Variants in CDH23 observed in about 807,000 individuals in gnomAD.
CDH23 encodes the protein cadherin related 23.
In CDH23, 189 loss-of-function variants were observed where a neutral mutation model predicts 317.1. That is an observed-to-expected ratio of 0.60 (90% CI 0.53 to 0.67). The LOEUF (loss-of-function observed/expected upper bound fraction) is 0.67, where lower values mean the gene tolerates loss of function less well. CDH23 is among the 30% of genes least tolerant of loss of function. The pLI is 0.00. For missense variants in CDH23, 4,401 were observed against 4,592.4 expected (o/e 0.96, Z 1.20); for synonymous variants, 1,839 against 1,876.8 (o/e 0.98, Z 0.52).
chr10:71,539,743 T>G (rs1855890389), intron 6 of CDH23, among the ~76,000 whole-genome samples: 1 of 151,922 alleles, frequency 6.6e-6, no homozygotes. Context: ...CATACCTGTT[T>G]CTCTTAGACT....
chr10:71,487,254 A>AAT (rs1181840045), intron 3 of CDH23, among the ~76,000 whole-genome samples: 1 of 152,190 alleles, frequency 6.6e-6, no homozygotes, highest in African/African-American at 2.4e-5. Context: ...AGTGTATATA[A>AAT]ATATATATGA....
intron 11 of CDH23, among the ~76,000 whole-genome samples, chr10:71,630,959 C>T (rs907887720): frequency 4.6e-5 from 7 of 152,108 alleles, no homozygotes; most frequent in African/African-American, 7.2e-5. Context: ...TTAAAGCCAC[C>T]GGTGGCCGGC....
rs781402940 is a variant in CDH23 at position 71,790,294 on chromosome 10, C to T, written c.5930C>T (p.Pro1977Leu). The change falls in exon 46 of 70, where the codon CCT becomes CTT. Residue 1977 changes from proline to leucine, a missense_variant. Physicochemically the swap from Pro to Leu is moderately conservative, Grantham distance 98 (BLOSUM62 -3). Coordinates refer to ENST00000224721, the MANE Select transcript of CDH23 (RefSeq NM_022124.6). ...EVMENSPAGT[P>L]LTVLNGPILA... ...CCCTCTCCTTCTGGCCCAGGCACCC[C>T]TCTCACGGTGCTCAATGGGCCCATC... The T allele has an allele frequency of 5.0e-6, 8 of 1,613,758 alleles. No homozygotes were observed. Among genetic ancestry groups the T allele is most frequent in the Non-Finnish European group, 6.8e-6 (8 of 1,179,828 alleles).
intron 36 of CDH23, 117 bp downstream of exon 36, chr10:71,739,889 C>A: frequency 8.2e-7 from 1 of 1,217,302 alleles, no homozygotes; most frequent in Non-Finnish European, 1.1e-6. Flanking sequence ...AGTGCCCCTG[C>A]TGTCACCAAG....
Position 71,554,359 on chromosome 10 carries a change from G to A in CDH23, c.430-12383G>A, listed in dbSNP as rs555488106. 4.4e-4 allele frequency among the ~76,000 whole-genome samples: 62 copies of A among 139,414 alleles called. 1 individual carries two copies. Among genetic ancestry groups the A allele is most frequent in the African/African-American group, 1.7e-3 (60 of 35,980 alleles). 91.5% of individuals were successfully genotyped at this position (139,414 alleles called of 152,430 possible). On this transcript the variant is annotated intron_variant, in intron 6 of 69. Coordinates refer to ENST00000224721, the MANE Select transcript of CDH23 (RefSeq NM_022124.6). ...ACCACAGGTGCACACCACCACACTG[G>A]ACTAATTTTTTTTTTTTTTTGGTAG...
intron 38 of CDH23, among the ~76,000 whole-genome samples, chr10:71,766,711 T>C (rs2166632): frequency 0.9 from 136,977 of 152,080 alleles, 61,940 homozygotes; most frequent in African/African-American, 0.96. Flanking sequence ...GTATCATCCC[T>C]ATTTTAAAGA....
intron 6 of CDH23, among the ~76,000 whole-genome samples, chr10:71,548,136 A>G (rs1204441642): frequency 6.6e-6 from 1 of 152,090 alleles, no homozygotes; most frequent in Non-Finnish European, 1.5e-5. Flanking sequence ...GCACTGGGGC[A>G]GCGGGAGGGC....
chr10:71,454,620 G>A (rs1004343873), intron 3 of CDH23, among the ~76,000 whole-genome samples: 1 of 152,120 alleles, frequency 6.6e-6, no homozygotes, highest in African/African-American at 2.4e-5. Flanking sequence ...GTATGTGTCT[G>A]TGCTCAGGCT....
At chr10:71,689,337 C>T (rs974658754) in intron 19 of CDH23, among the ~76,000 whole-genome samples, 2 of 152,030 alleles carry the variant, frequency 1.3e-5, no homozygotes, top group Admixed American at 6.5e-5. Context: ...TGCTGGGCTG[C>T]ACCCAGCCTA....
chr10:71,702,763 G>A, intron 24 of CDH23, 69 bp downstream of exon 24: 1 of 1,589,516 alleles, frequency 6.3e-7, no homozygotes, highest in East Asian at 2.2e-5. Flanking sequence ...GCCTAGCCCA[G>A]GCTGAAAACT....
intron 14 of CDH23, among the ~76,000 whole-genome samples, chr10:71,673,572 C>A (rs1445349640): frequency 6.6e-6 from 1 of 152,224 alleles, no homozygotes; most frequent in Non-Finnish European, 1.5e-5. Flanking sequence ...TCCCTTCCTT[C>A]TGAGAACAAG....
intron 51 of CDH23, 33 bp downstream of exon 51, chr10:71,799,313 C>G (rs1841491870): frequency 2.5e-6 from 4 of 1,613,658 alleles, no homozygotes; most frequent in Non-Finnish European, 3.4e-6. Flanking sequence ...GGGTCCAGGA[C>G]CTGCGCCCAT....
At chr10:71,406,119 G>A (rs187321857) in intron 1 of CDH23, among the ~76,000 whole-genome samples, 52 of 151,952 alleles carry the variant, frequency 3.4e-4, no homozygotes, top group Non-Finnish European at 6.5e-4. Context: ...GGGCTCAAGT[G>A]ATCTTCCCAC....
At chr10:71,487,876 C>T (rs183533070) in intron 3 of CDH23, among the ~76,000 whole-genome samples, 13 of 152,346 alleles carry the variant, frequency 8.5e-5, no homozygotes, top group African/African-American at 3.1e-4. Context: ...ATAAAAACAG[C>T]CTACTTCCTT....
intron 6 of CDH23, among the ~76,000 whole-genome samples, chr10:71,552,793 G>A (rs1265774391): frequency 1.3e-5 from 2 of 152,108 alleles, no homozygotes; most frequent in Non-Finnish European, 2.9e-5. Context: ...AGGGTCTTCT[G>A]TCCCCCATCC....
At chr10:71,664,744 A>G (rs767781382) in intron 14 of CDH23, among the ~76,000 whole-genome samples, 6 of 152,204 alleles carry the variant, frequency 3.9e-5, no homozygotes, top group Non-Finnish European at 7.3e-5. Flanking sequence ...TTTTACAGAT[A>G]GGAAAACTGA....
intron 47 of CDH23, among the ~76,000 whole-genome samples, chr10:71,792,398 G>A (rs1239586172): frequency 6.6e-6 from 1 of 151,718 alleles, no homozygotes; most frequent in Non-Finnish European, 1.5e-5. Context: ...CTCATTTCTG[G>A]GTAAGAAGGT....
intron 62 of CDH23, among the ~76,000 whole-genome samples, 170 bp downstream of exon 62, chr10:71,810,739 G>T (rs1841890992): frequency 6.6e-6 from 1 of 152,106 alleles, no homozygotes. Context: ...GAGTTTGGGG[G>T]TATGAGCAAC....
chr10:71,479,207 C>T (rs1387948175), intron 3 of CDH23, among the ~76,000 whole-genome samples: 1 of 152,182 alleles, frequency 6.6e-6, no homozygotes, highest in Non-Finnish European at 1.5e-5. Context: ...GTCTCCCAAA[C>T]TCATATCCAG....
Sources: allele counts gnomAD v4.1 joint callset (sites outside exome capture counted in the v4.1 genomes callset), GRCh38; gene constraint gnomAD v4.1.1; transcripts MANE v1.5; gene names NCBI Gene and HGNC (gene_info 2026-07-23, HGNC 2026-07-21).